Variants in ZNF536 observed in about 807,000 individuals in gnomAD.
The protein encoded by ZNF536 is zinc finger protein 536.
A neutral mutation model predicts 84.5 loss-of-function variants in ZNF536; 13 were observed. The observed-to-expected ratio is 0.15, with a 90% confidence interval of 0.10 to 0.24. The LOEUF (loss-of-function observed/expected upper bound fraction) is 0.24. Among genes scored for constraint, ZNF536 ranks in the 10% least tolerant of loss-of-function variants. The pLI is 1.00. For missense variants in ZNF536, 1,536 were observed against 1,747.5 expected (o/e 0.88, Z 2.16); for synonymous variants, 811 against 742.5 (o/e 1.09, Z -1.50).
At chr19:30,265,123 C>T (rs2025443359) in intron 1 of ZNF536, among the ~76,000 whole-genome samples, 1 of 152,092 alleles carries the variant, frequency 6.6e-6, no homozygotes, top group African/African-American at 2.4e-5. Context: ...CTTCAGGGTG[C>T]TGGCTCTTCA....
chr19:30,531,211 T>C (rs1230192536), intron 2 of ZNF536, among the ~76,000 whole-genome samples: 2 of 152,230 alleles, frequency 1.3e-5, no homozygotes, highest in East Asian at 3.8e-4. Flanking sequence ...TTTATTCTTT[T>C]TATTGGGCCA....
chr19:30,243,654 G>A (rs1014536815), intron 1 of ZNF536, among the ~76,000 whole-genome samples: 2 of 152,146 alleles, frequency 1.3e-5, no homozygotes, highest in Non-Finnish European at 2.9e-5. Context: ...CAATAGGTAG[G>A]ATAAAATAAA....
At chr19:30,709,403 G>A (rs1346159644) in intron 1 of ZNF536, among the ~76,000 whole-genome samples, 2 of 152,056 alleles carry the variant, frequency 1.3e-5, no homozygotes, top group Non-Finnish European at 2.9e-5. Flanking sequence ...GCAAGACTCA[G>A]GTGACACCCC....
At chr19:30,455,274 T>G (rs2052785742) in intron 2 of ZNF536, among the ~76,000 whole-genome samples, 1 of 152,260 alleles carries the variant, frequency 6.6e-6, no homozygotes, top group Admixed American at 6.5e-5. Context: ...GAACACTTTT[T>G]TTTTCACTAA....
rs61340355 is a variant in ZNF536, at chr19:30,440,643, G to A, written c.-2-2918G>A. 4.5e-3 allele frequency among the ~76,000 whole-genome samples: 680 copies of A among 152,290 alleles called. 5 individuals are homozygous for A. The highest frequency in any genetic ancestry group is 0.016 in the African/African-American group (649 of 41,568). ...TTGCCCCCATGGCAAATGCTATGTAGAAGAAAGTAACATGTTGGGACAGAG... is the reference window on the plus strand; with the variant it reads ...TTGCCCCCATGGCAAATGCTATGTAAAAGAAAGTAACATGTTGGGACAGAG... On this transcript the variant is annotated intron_variant, in intron 1 of 4. Coordinates refer to ENST00000355537, the MANE Select transcript of ZNF536 (RefSeq NM_014717.3).
chr19:30,313,795 A>T (rs1390256244), intron 2 of ZNF536, among the ~76,000 whole-genome samples: 1 of 152,146 alleles, frequency 6.6e-6, no homozygotes, highest in Non-Finnish European at 1.5e-5. Context: ...GTTAAGGAAA[A>T]GTGGTGTATG....
chr19:30,289,429 A>G (rs1012713374), intron 2 of ZNF536, among the ~76,000 whole-genome samples: 2 of 152,216 alleles, frequency 1.3e-5, no homozygotes, highest in Non-Finnish European at 2.9e-5. Flanking sequence ...TGACAAGATC[A>G]CTGACCACTC....
intron 1 of ZNF536, among the ~76,000 whole-genome samples, chr19:30,414,508 C>T (rs2050630703): frequency 6.6e-6 from 1 of 151,950 alleles, no homozygotes; most frequent in Non-Finnish European, 1.5e-5. Context: ...AAAGTGTACA[C>T]CTGGGGTTTG....
In ZNF536 at chr19:30,297,524, T is replaced by G. The variant is rs572577789; in HGVS notation, c.-120+13383T>G. Among the ~76,000 whole-genome samples, 306 of 152,316 alleles carry G rather than the reference T, an allele frequency of 2.0e-3. 3 individuals carry two copies. The highest frequency in any genetic ancestry group is 7.2e-3 in the African/African-American group (298 of 41,570). On this transcript the variant is annotated intron_variant, in intron 2 of 5. Coordinates refer to the ZNF536 transcript ENST00000585628. ...TTGAAAGAAGGGAGATGAATTTCTT[T>G]CCCCAGCAGAGACACAGGTGTCACC...
intron 2 of ZNF536, among the ~76,000 whole-genome samples, chr19:30,314,820 C>T (rs1190390758): frequency 6.6e-6 from 1 of 152,092 alleles, no homozygotes; most frequent in Non-Finnish European, 1.5e-5. Context: ...CCAACCCCTC[C>T]CCTTTCTCTG....
chr19:30,595,534 C>G (rs1017387822), intron 1 of ZNF536, among the ~76,000 whole-genome samples: 4 of 152,090 alleles, frequency 2.6e-5, no homozygotes, highest in Non-Finnish European at 5.9e-5. Context: ...GCAATCCTCC[C>G]ACCTTGGCCT....
At chr19:30,621,698 C>T (rs921207221) in intron 1 of ZNF536, among the ~76,000 whole-genome samples, 3 of 152,210 alleles carry the variant, frequency 2.0e-5, no homozygotes, top group Admixed American at 1.3e-4. Flanking sequence ...GAGGAGCAGC[C>T]GGGTGGGAGC....
intron 2 of ZNF536, chr19:30,296,031 T>C (rs969872573): frequency 1.3e-5 from 2 of 152,298 alleles, no homozygotes; most frequent in African/African-American, 2.4e-5. Context: ...AAATCCAATG[T>C]GTGCAGCTGC....
At chr19:30,665,069 C>A (rs150387106) in intron 1 of ZNF536, among the ~76,000 whole-genome samples, 6 of 152,228 alleles carry the variant, frequency 3.9e-5, no homozygotes, top group Non-Finnish European at 5.9e-5. Flanking sequence ...AGTGGCCAGG[C>A]GCCGTGGCTC....
Position 30,336,266 on chromosome 19 carries a change from C to T in ZNF536, c.-119-16102C>T, listed in dbSNP as rs1038675230. Reference sequence around the variant, plus strand: ...ATCATTGGTTCCTTCTAGAAGTTGCCCTCCAGGAAGGCAGAAACCATGTCT... The same window carrying T: ...ATCATTGGTTCCTTCTAGAAGTTGCTCTCCAGGAAGGCAGAAACCATGTCT... On this transcript the variant is annotated intron_variant, in intron 2 of 5. Coordinates refer to the ZNF536 transcript ENST00000585628. 2.6e-5 allele frequency among the ~76,000 whole-genome samples: 4 copies of T among 152,138 alleles called. No homozygotes were observed. The South Asian group carries it at 8.3e-4, about 32-fold the overall frequency.
chr19:30,434,460 C>T (rs1231626657), intron 1 of ZNF536, among the ~76,000 whole-genome samples: 4 of 152,148 alleles, frequency 2.6e-5, no homozygotes, highest in Admixed American at 6.6e-5. Context: ...AGCTGGGTTC[C>T]GACTGTCGTT....
intron 2 of ZNF536, among the ~76,000 whole-genome samples, chr19:30,332,455 A>T (rs2047243477): frequency 6.6e-6 from 1 of 151,960 alleles, no homozygotes; most frequent in Non-Finnish European, 1.5e-5. Flanking sequence ...CTCTCTGCCC[A>T]TGCGTGTCCT....
chr19:30,249,490 T>A (rs914555042), intron 1 of ZNF536, among the ~76,000 whole-genome samples: 3 of 152,030 alleles, frequency 2.0e-5, no homozygotes, highest in African/African-American at 7.2e-5. Context: ...GATGGGGTCA[T>A]CAGTTTGATT....
chr19:30,540,555 C>T (rs1721681531), intron 3 of ZNF536, among the ~76,000 whole-genome samples: 1 of 152,180 alleles, frequency 6.6e-6, no homozygotes, highest in South Asian at 2.1e-4. Flanking sequence ...GTCACCAAGG[C>T]TCCATCCCCT....
Sources: gnomAD v4.1 joint callset for allele counts (sites outside exome capture counted in the v4.1 genomes callset) on GRCh38, gnomAD v4.1.1 for gene constraint, MANE v1.5 for transcripts, NCBI Gene and HGNC (gene_info 2026-07-23, HGNC 2026-07-21) for gene names.